The following ATP13A3 variants were observed in gnomAD, a reference collection of about 807,000 sequenced individuals.
The protein encoded by ATP13A3 is ATPase 13A3.
In ATP13A3, 59 loss-of-function variants were observed where a neutral mutation model predicts 158.1. The ratio of observed to expected loss-of-function variants is 0.37; its 90% CI spans 0.30 to 0.46. The LOEUF (loss-of-function observed/expected upper bound fraction) is 0.46, where lower values mean the gene tolerates loss of function less well. Ranked by LOEUF, ATP13A3 falls within the 20% of genes least tolerant of loss-of-function variation. The probability of loss-of-function intolerance (pLI) is 1.00; values close to 1 mark genes in which losing one functional copy is unlikely to be tolerated. For synonymous variants in ATP13A3, 491 were observed against 504.3 expected, an observed-to-expected ratio of 0.97 and a Z score of 0.35; for missense variants, 1,166 against 1,525.2, an observed-to-expected ratio of 0.76 and a Z score of 3.92.
chr3:194,444,865 AC>A, intron 14 of ATP13A3, 79 bp from the exon 15 acceptor site: 1 of 1,084,102 alleles, frequency 9.2e-7, no homozygotes, highest in Non-Finnish European at 1.4e-6. Context: ...ATAAAAAGCA[AC>A]CACACAGCAT....
At chr3:194,436,932 C>G (rs1187340649) in intron 20 of ATP13A3, among the ~76,000 whole-genome samples, 163 bp downstream of exon 20, 4 of 152,208 alleles carry the variant, frequency 2.6e-5, no homozygotes, top group African/African-American at 4.8e-5. Context: ...GGAAATCAGG[C>G]AGTGGGGAAA....
upstream of ATP13A3, among the ~76,000 whole-genome samples, chr3:194,489,583 G>A (rs996739319): frequency 6.6e-6 from 1 of 152,176 alleles, no homozygotes; most frequent in Non-Finnish European, 1.5e-5. This position sits in a 1 kb window ranked among gnomAD's most constrained non-coding sequence, Gnocchi z 4.1. Flanking sequence ...TGGCTGCAGT[G>A]TATACCTCCA....
intron 2 of ATP13A3, among the ~76,000 whole-genome samples, chr3:194,484,804 C>A (rs977426108): frequency 4.6e-5 from 7 of 152,060 alleles, no homozygotes; most frequent in Admixed American, 4.6e-4. Context: ...GCCTGTAATA[C>A]CAGCACTTTG....
rs1237657290 is a variant in ATP13A3, at chr3:194,405,963, A to T, written c.3727T>A (p.Leu1243Ile). ...TGACATGATCCATTCTCCTTAACTAAAGCTTTAGCTTCTGTGGTTGTCTGA... is the reference window on the plus strand; with the variant it reads ...TGACATGATCCATTCTCCTTAACTATAGCTTTAGCTTCTGTGGTTGTCTGA... ...KPQTTTEAKA[L>I]VKENGSCQII... Residue 1243 changes from leucine to isoleucine, a missense_variant, in exon 34 of 34, where the codon TTA (leucine) becomes ATA (isoleucine). By Grantham distance (5) the Leu-to-Ile change is conservative. Coordinates refer to ENST00000645319, the MANE Select transcript of ATP13A3 (RefSeq NM_001367549.1). The T allele has an allele frequency of 6.2e-7, 1 of 1,614,094 alleles. No individual in the cohort carries two copies. Among genetic ancestry groups the T allele is most frequent in the Admixed American group, 1.7e-5 (1 of 60,016 alleles).
At chr3:194,428,268 T>A (rs1716963143) in intron 28 of ATP13A3, among the ~76,000 whole-genome samples, 1 of 151,800 alleles carries the variant, frequency 6.6e-6, no homozygotes, top group Non-Finnish European at 1.5e-5. Context: ...TTTCCCTTTG[T>A]AACTAGCACC....
chr3:194,407,686 T>C (rs1366374397), intron 33 of ATP13A3, among the ~76,000 whole-genome samples: 2 of 152,138 alleles, frequency 1.3e-5, no homozygotes, highest in Admixed American at 6.5e-5. Context: ...GTAAGCTACG[T>C]GGCATTCTGG....
intron 8 of ATP13A3, 148 bp from the exon 9 acceptor site, chr3:194,454,540 T>A: frequency 4.2e-6 from 4 of 948,294 alleles, no homozygotes; most frequent in Non-Finnish European, 6.2e-6. Context: ...CCCTAAAAAG[T>A]AGGGCAGGCT....
chr3:194,450,161 G>A lies in ATP13A3; in HGVS notation c.954C>T (p.Asn318=), dbSNP rs373465535. 53 of 1,613,682 alleles carry A rather than the reference G, an allele frequency of 3.3e-5. No individual in the cohort carries two copies. Among genetic ancestry groups the A allele is most frequent in the East Asian group, 1.6e-4 (7 of 44,858 alleles). The part of the protein sequence containing the change: ...AVLINGTCIV[N]ESMLTGESVP... ...TTAGCTTACCTGTTAACATGCTTTC[G>A]TTTACAATGCAGGTACCATTAATAA... The change falls in exon 11 of 34, where the codon AAC becomes AAT. Residue 318 remains asparagine, a synonymous_variant. Transcript: ENST00000645319.
intron 8 of ATP13A3, among the ~76,000 whole-genome samples, chr3:194,455,510 C>A (rs1012626398): frequency 3.6e-4 from 55 of 152,162 alleles, no homozygotes; most frequent in African/African-American, 1.3e-3. Flanking sequence ...AATTCCTAAT[C>A]ACTACACTAT....
chr3:194,430,140 G>A lies in ATP13A3; in HGVS notation c.2709C>T (p.Leu903=), dbSNP rs190452198. ...TAAAGGGAGATGCCACTGAAGCTTCGAGCTCCGATAAGGAAATGCCTCCGT... is the reference window on the plus strand; with the variant it reads ...TAAAGGGAGATGCCACTGAAGCTTCAAGCTCCGATAAGGAAATGCCTCCGT... ...RAHGGISLSE[L]EASVASPFTS... The change falls in exon 26 of 34, where the codon CTC becomes CTT. Residue 903 remains leucine (L), a synonymous_variant. Coordinates refer to ENST00000645319, the MANE Select transcript of ATP13A3 (RefSeq NM_001367549.1). 140 of 1,614,048 alleles carry A rather than the reference G, an allele frequency of 8.7e-5. 1 individual carries two copies. The Middle Eastern group carries it at 1.3e-3, about 15-fold the overall frequency.
intron 15 of ATP13A3, among the ~76,000 whole-genome samples, 169 bp downstream of exon 15, chr3:194,444,556 A>G (rs1399846414): frequency 6.6e-6 from 1 of 152,204 alleles, no homozygotes; most frequent in Non-Finnish European, 1.5e-5. Flanking sequence ...AACTTCTATA[A>G]TATTTTAATA....
chr3:194,429,355 T>C (rs1038056385), intron 27 of ATP13A3, among the ~76,000 whole-genome samples: 3 of 152,198 alleles, frequency 2.0e-5, no homozygotes, highest in Admixed American at 6.5e-5. Flanking sequence ...AACGGTCAAA[T>C]GGGATAGTGT....
chr3:194,469,929 A>T (rs957704177), intron 2 of ATP13A3, among the ~76,000 whole-genome samples: 1 of 152,216 alleles, frequency 6.6e-6, no homozygotes, highest in Non-Finnish European at 1.5e-5. Flanking sequence ...AACAATTTCA[A>T]TTTTAATACC....
chr3:194,462,112 TCAC>T, intron 3 of ATP13A3, 25 bp downstream of exon 3: 3 of 1,606,948 alleles, frequency 1.9e-6, no homozygotes, highest in Non-Finnish European at 2.6e-6. Context: ...TCTTCACACA[TCAC>T]CAGTAAATTA....
At chr3:194,443,750 G>A (rs1393899363) in intron 15 of ATP13A3, among the ~76,000 whole-genome samples, 1 of 151,970 alleles carries the variant, frequency 6.6e-6, no homozygotes, top group South Asian at 2.1e-4. Flanking sequence ...AAAACTACAG[G>A]AGTAAAACTT....
chr3:194,428,973 C>T lies in ATP13A3; in HGVS notation c.2875-56G>A, dbSNP rs538776408. On this transcript the variant is annotated intron_variant, in intron 27 of 33. Coordinates refer to ENST00000645319, the MANE Select transcript of ATP13A3 (RefSeq NM_001367549.1). Reference sequence around the variant, plus strand: ...TTTTTGGGAATTATTTTTATAGCGTCCCCAGGTTTTATTAATAGTTTGGAT... The same window carrying T: ...TTTTTGGGAATTATTTTTATAGCGTTCCCAGGTTTTATTAATAGTTTGGAT... The T allele has an allele frequency of 2.5e-6, 3 of 1,187,566 alleles. No homozygotes were observed. The South Asian group carries it at 4.4e-5, about 17-fold the overall frequency. 73.6% of individuals were successfully genotyped at this position (1,187,566 alleles called of 1,614,324 possible).
In ATP13A3 at chr3:194,494,168, C is replaced by G. The variant is rs1200651155; in HGVS notation, n.628G>C. On this transcript the variant is annotated non_coding_transcript_exon_variant, in exon 2 of 33. Coordinates refer to the ATP13A3 transcript ENST00000687055. The surrounding 1 kb of genome is among the most constrained non-coding windows in gnomAD (Gnocchi z 4.2). The stretch of plus-strand genomic sequence containing the variant: ...AATGAGTTCATCTCGCATCAAAACT[C>G]TGGATTATCTGTTTAAGCACCCAGA... 2 of 398,470 alleles carry G rather than the reference C, an allele frequency of 5.0e-6. No individual in the cohort carries two copies. The highest frequency in any genetic ancestry group is 8.8e-6 in the Non-Finnish European group (2 of 226,108). The allele number at this position is 398,470 out of a possible 1,614,324, so 24.7% of individuals were successfully genotyped here. A position where few individuals can be genotyped will look rare whatever the true frequency, so the allele number is the denominator to read the frequency against.
At chr3:194,430,792 G>A in intron 24 of ATP13A3, 151 bp downstream of exon 24, 1 of 533,258 alleles carries the variant, frequency 1.9e-6, no homozygotes, top group Non-Finnish European at 3.0e-6. Context: ...TTTTAAAGCG[G>A]CACTTAAAGT....
At chr3:194,471,134 A>G (rs777259210) in intron 2 of ATP13A3, among the ~76,000 whole-genome samples, 1 of 152,088 alleles carries the variant, frequency 6.6e-6, no homozygotes, top group Non-Finnish European at 1.5e-5. Context: ...GAACCTTTGA[A>G]GCACATCATG....
Sources: allele counts gnomAD v4.1 joint callset (sites outside exome capture counted in the v4.1 genomes callset), GRCh38; gene constraint gnomAD v4.1.1; non-coding constraint Gnocchi (gnomAD v3.1); transcripts MANE v1.5; gene names NCBI Gene and HGNC (gene_info 2026-07-23, HGNC 2026-07-21).